Variants in SPEF2 observed in about 807,000 individuals in gnomAD.
The protein encoded by SPEF2 is sperm flagellar and cilia associated 2, also known as sperm flagella and cilia-associated protein 2.
A neutral mutation model predicts 224.6 loss-of-function variants in SPEF2; 187 were observed. The ratio of observed to expected loss-of-function variants is 0.83; its 90% CI spans 0.74 to 0.94. SPEF2 has a LOEUF of 0.94. Among genes scored for constraint, SPEF2 ranks in the 40% least tolerant of loss-of-function variants. The probability of loss-of-function intolerance (pLI) is 0.00; values close to 1 mark genes in which losing one functional copy is unlikely to be tolerated. For synonymous variants in SPEF2, 715 were observed against 707.3 expected, an observed-to-expected ratio of 1.01 and a Z score of -0.17; for missense variants, 2,170 against 2,135.6, an observed-to-expected ratio of 1.02 and a Z score of -0.32.
At chr5:35,656,797 C>G (rs185929225) in intron 7 of SPEF2, among the ~76,000 whole-genome samples, 2 of 152,314 alleles carry the variant, frequency 1.3e-5, no homozygotes, top group East Asian at 3.9e-4. Context: ...AAAAAAGAGC[C>G]AGGGCTCTAT....
intron 23 of SPEF2, 105 bp downstream of exon 23, chr5:35,740,372 G>A: frequency 2.1e-6 from 3 of 1,436,930 alleles, no homozygotes; most frequent in Non-Finnish European, 2.8e-6. Flanking sequence ...ATGAGGATGA[G>A]AAAGAAAATG....
At chr5:35,751,021 A>G (rs1749379808) in intron 23 of SPEF2, among the ~76,000 whole-genome samples, 1 of 101,632 alleles carries the variant, frequency 9.8e-6, no homozygotes, top group East Asian at 2.5e-4. Flanking sequence ...ACGTATATAT[A>G]TACGTATATA....
chr5:35,720,059 GT>G (rs1743335595), intron 20 of SPEF2, among the ~76,000 whole-genome samples: 1 of 152,150 alleles, frequency 6.6e-6, no homozygotes, highest in African/African-American at 2.4e-5. Context: ...CAAAGCCTAG[GT>G]AAAATAACCA....
intron 11 of SPEF2, among the ~76,000 whole-genome samples, chr5:35,692,184 G>A (rs1427188524): frequency 2.0e-5 from 3 of 152,068 alleles, no homozygotes; most frequent in African/African-American, 7.2e-5. Flanking sequence ...GCCGAGACGG[G>A]TGGATCACCT....
At chr5:35,813,728 A>G (rs1758675554) in intron 36 of SPEF2, among the ~76,000 whole-genome samples, 1 of 152,092 alleles carries the variant, frequency 6.6e-6, no homozygotes, top group Admixed American at 6.6e-5. Flanking sequence ...GAACAAACTC[A>G]TGTCTTCTCA....
At chr5:35,731,883 T>G (rs1453978122) in intron 21 of SPEF2, among the ~76,000 whole-genome samples, 1 of 152,172 alleles carries the variant, frequency 6.6e-6, no homozygotes, top group Non-Finnish European at 1.5e-5. Flanking sequence ...TGGAAGAACC[T>G]ACAGATATTA....
intron 23 of SPEF2, among the ~76,000 whole-genome samples, chr5:35,742,751 G>A (rs924664970): frequency 3.3e-5 from 5 of 151,828 alleles, no homozygotes; most frequent in Admixed American, 6.6e-5. Flanking sequence ...CTTTGTATAT[G>A]TTAAGGAAAC....
chr5:35,741,312 C>G (rs1379987012), intron 23 of SPEF2, among the ~76,000 whole-genome samples: 1 of 152,178 alleles, frequency 6.6e-6, no homozygotes, highest in African/African-American at 2.4e-5. Context: ...GACATTTGAA[C>G]AGACTGACAA....
chr5:35,708,604 G>GCCATCACCACCTCCGCCACCATCACCACC (rs1561235874), intron 18 of SPEF2, among the ~76,000 whole-genome samples: 13 of 10,086 alleles, frequency 1.3e-3, no homozygotes, highest in Non-Finnish European at 1.8e-3. Context: ...CCCCACCACA[G>GCCATCACCACCTCCGCCACCATCACCACC]ACTTCACCAC....
At chr5:35,736,565 C>A (rs112453783) in intron 21 of SPEF2, among the ~76,000 whole-genome samples, 4,308 of 152,188 alleles carry the variant, frequency 0.028, 102 homozygotes, top group South Asian at 0.053. Context: ...CTATCATGAG[C>A]ACAGCATGGG....
chr5:35,702,071 A>C (rs573853445), intron 16 of SPEF2: 35 of 423,620 alleles, frequency 8.3e-5, no homozygotes, highest in African/African-American at 7.2e-4. Context: ...ATGGAGAAGA[A>C]GAAAGCCTGG....
chr5:35,624,232 T>G (rs1319368128), intron 1 of SPEF2, among the ~76,000 whole-genome samples: 1 of 152,230 alleles, frequency 6.6e-6, no homozygotes, highest in Admixed American at 6.5e-5. Flanking sequence ...GGACCAGGCA[T>G]GTGGCTTGGA....
chr5:35,704,823 A>G (rs1739412878), intron 17 of SPEF2, among the ~76,000 whole-genome samples, 161 bp downstream of exon 17: 1 of 152,126 alleles, frequency 6.6e-6, no homozygotes, highest in South Asian at 2.1e-4. Context: ...TGAAATATTT[A>G]TGTGCTAGCT....
At position 35,779,222 on chromosome 5, in the gene SPEF2, A is replaced by C. The variant is rs1400072036; in HGVS notation, c.4323A>C (p.Ile1441=). 6.2e-7 allele frequency: 1 copy of C among 1,613,930 alleles called. No homozygotes were observed. The highest frequency in any genetic ancestry group is 1.1e-5 in the South Asian group (1 of 91,080). Residue 1441 remains isoleucine (I), a synonymous_variant, in exon 30 of 37, where the codon ATA becomes ATC. Transcript: ENST00000356031. ...SQEDFFINGN[I]KVFPDPPPSI... is the part of the protein sequence containing the mutation. ...AAGACTTCTTCATTAATGGCAATAT[A>C]AAAGTCTTCCCAGATCCTCCCCCAT...
At chr5:35,750,411 G>A (rs1394128792) in intron 23 of SPEF2, among the ~76,000 whole-genome samples, 1 of 152,068 alleles carries the variant, frequency 6.6e-6, no homozygotes, top group Non-Finnish European at 1.5e-5. Flanking sequence ...AGAGTAAAAA[G>A]ACAACCCACA....
intron 14 of SPEF2, among the ~76,000 whole-genome samples, chr5:35,697,152 G>C (rs1214119798): frequency 6.6e-6 from 1 of 152,182 alleles, no homozygotes; most frequent in African/African-American, 2.4e-5. Flanking sequence ...GGAAGTTCCT[G>C]TTTCAGTGAT....
chr5:35,658,220 C>T (rs973410228), intron 7 of SPEF2, among the ~76,000 whole-genome samples: 13 of 152,178 alleles, frequency 8.5e-5, no homozygotes, highest in Non-Finnish European at 2.9e-5. Context: ...ATTATGATGA[C>T]CAGGTCCTCT....
At chr5:35,804,946 A>G (rs1403630818) in intron 34 of SPEF2, among the ~76,000 whole-genome samples, 1 of 152,176 alleles carries the variant, frequency 6.6e-6, no homozygotes, top group Non-Finnish European at 1.5e-5. Context: ...TCCTGGACTC[A>G]CTCAGAAAGA....
chr5:35,811,689 G>A (rs1561400170), intron 36 of SPEF2, among the ~76,000 whole-genome samples: 1 of 151,044 alleles, frequency 6.6e-6, no homozygotes, highest in South Asian at 2.1e-4. Flanking sequence ...CTGGAAGATA[G>A]AAAGCACTCA....
Sources: allele counts gnomAD v4.1 joint callset (sites outside exome capture counted in the v4.1 genomes callset), GRCh38; gene constraint gnomAD v4.1.1; transcripts MANE v1.5; gene names NCBI Gene and HGNC (gene_info 2026-07-23, HGNC 2026-07-21).